The following NDST3 variants were observed in gnomAD, a reference collection of about 807,000 sequenced individuals.
NDST3 encodes N-deacetylase and N-sulfotransferase 3.
In NDST3, 58 loss-of-function variants were observed where a neutral mutation model predicts 96.1. That is an observed-to-expected ratio of 0.60 (90% CI 0.49 to 0.75). NDST3 has a LOEUF of 0.75. Among genes scored for constraint, NDST3 ranks in the 30% least tolerant of loss-of-function variants. NDST3 has a pLI of 0.00. For synonymous variants in NDST3, 333 were observed against 359.7 expected, an observed-to-expected ratio of 0.93 and a Z score of 0.84; for missense variants, 788 against 1,034.2, an observed-to-expected ratio of 0.76 and a Z score of 3.27.
intron 4 of NDST3, among the ~76,000 whole-genome samples, chr4:118,120,404 G>A (rs1402006726): frequency 6.6e-6 from 1 of 152,168 alleles, no homozygotes; most frequent in Admixed American, 6.5e-5. Context: ...GACAGGGTAA[G>A]CAGGCTCAGG....
At chr4:118,115,265 G>C (rs554727611) in intron 4 of NDST3, among the ~76,000 whole-genome samples, 1 of 152,094 alleles carries the variant, frequency 6.6e-6, no homozygotes, top group East Asian at 1.9e-4. Context: ...GCACTGAGAA[G>C]GCAGAAATAT....
chr4:118,106,469 T>C (rs1730190214), intron 3 of NDST3, among the ~76,000 whole-genome samples: 1 of 152,056 alleles, frequency 6.6e-6, no homozygotes, highest in Non-Finnish European at 1.5e-5. Context: ...CCTCAGCCTT[T>C]TGAGTAGCTG....
At chr4:118,060,382 T>C (rs1306888504) in intron 2 of NDST3, among the ~76,000 whole-genome samples, 1 of 152,160 alleles carries the variant, frequency 6.6e-6, no homozygotes, top group Non-Finnish European at 1.5e-5. Flanking sequence ...AGCTTTCTTT[T>C]GATTACTATT....
intron 6 of NDST3, among the ~76,000 whole-genome samples, chr4:118,211,858 T>C (rs552711436): frequency 1.4e-4 from 22 of 152,326 alleles, no homozygotes; most frequent in African/African-American, 4.8e-4. Flanking sequence ...AAGTGAACGA[T>C]GTGCCTGTGT....
intron 8 of NDST3, among the ~76,000 whole-genome samples, chr4:118,231,685 T>C (rs1170453441): frequency 6.6e-6 from 1 of 152,146 alleles, no homozygotes; most frequent in East Asian, 1.9e-4. Context: ...ACAGATTGTA[T>C]AACAGTGTAA....
chr4:118,233,173 T>G (rs2126000651), intron 9 of NDST3, 38 bp downstream of exon 9: 1 of 1,560,492 alleles, frequency 6.4e-7, no homozygotes, highest in African/African-American at 1.4e-5. Context: ...AAAGTATATG[T>G]ACTGTGCACA....
Position 118,054,037 on chromosome 4 carries a change from C to T in NDST3, c.127C>T (p.Leu43Phe). ...CAGTGGCTACAAACAGGAAAATGAA[C>T]TCTCTGAGACGGCTTCAGAAGTTGA... ...LYSGYKQENE[L>F]SETASEVDCG... Residue 43 changes from leucine (L) to phenylalanine (F), a missense_variant, in exon 2 of 14, where the codon CTC (leucine) becomes TTC (phenylalanine). This residue lies in a region of NDST3 where 234 missense variants were observed against 256.9 expected (regional missense o/e 0.91). Transcript: ENST00000296499. 1 of 1,612,922 alleles carries T rather than the reference C, an allele frequency of 6.2e-7. No homozygotes were observed. The highest frequency in any genetic ancestry group is 8.5e-7 in the Non-Finnish European group (1 of 1,179,256).
At position 118,084,685 on chromosome 4, in the gene NDST3, G is replaced by T. The variant is rs1371680865; in HGVS notation, c.982-20333G>T. Among the ~76,000 whole-genome samples the T allele has an allele frequency of 2.0e-5, 3 of 152,208 alleles. No homozygotes were observed. In the East Asian group the frequency reaches 5.8e-4, roughly 29 times the overall value. ...CTCATTCAGGAAAGTGAAAGAACTT[G>T]TGTTTTACTTTTAGAGATAGACTCT... On this transcript the variant is annotated intron_variant, in intron 2 of 13. Transcript: ENST00000296499.
At chr4:118,116,300 AAAATACGT>A (rs1731092301) in intron 4 of NDST3, among the ~76,000 whole-genome samples, 1 of 152,226 alleles carries the variant, frequency 6.6e-6, no homozygotes, top group Non-Finnish European at 1.5e-5. Flanking sequence ...GTGAGAGACG[AAAATACGT>A]AAATACACTA....
intron 1 of NDST3, among the ~76,000 whole-genome samples, chr4:118,040,866 T>TA (rs1426153314): frequency 9.1e-4 from 25 of 27,532 alleles, no homozygotes; most frequent in African/African-American, 1.0e-3. Flanking sequence ...TTTATATATT[T>TA]TTATATATAT....
At chr4:118,157,428 G>GTT (rs35472465) in intron 6 of NDST3, among the ~76,000 whole-genome samples, 4 of 128,058 alleles carry the variant, frequency 3.1e-5, no homozygotes, top group African/African-American at 5.5e-5. Flanking sequence ...TTTTGTTTTT[G>GTT]TTTTTTTTTT....
At chr4:118,165,132 A>G (rs1735457550) in intron 6 of NDST3, among the ~76,000 whole-genome samples, 2 of 152,270 alleles carry the variant, frequency 1.3e-5, no homozygotes, top group East Asian at 1.9e-4. Context: ...AAATGGATAT[A>G]GTAGCTGAAT....
chr4:118,111,085 C>T (rs6820108), intron 3 of NDST3, among the ~76,000 whole-genome samples: 114,575 of 152,114 alleles, frequency 0.75, 45,802 homozygotes, highest in South Asian at 0.92. Context: ...AAATACCACA[C>T]GTTCTCATTT....
intron 2 of NDST3, among the ~76,000 whole-genome samples, chr4:118,094,677 C>A (rs11098426): frequency 0.52 from 79,581 of 151,680 alleles, 25,073 homozygotes; most frequent in East Asian, 0.72. Flanking sequence ...TTTATTCTTT[C>A]ATTCTTTCAG....
At position 118,114,837 on chromosome 4, in the gene NDST3, T is replaced by C. The variant is rs201653493; in HGVS notation, c.1101T>C (p.Cys367=). The stretch of plus-strand genomic sequence containing the variant: ...AAGAGGAAGATGAAGGAGATGACTG[T>C]CTGTTGGGGTCTGTGGATGAGTTCT... ...GTEEEDEGDD[C]LLGSVDEFWW... Residue 367 remains cysteine (C), a synonymous_variant, in exon 4 of 14, where the codon TGT becomes TGC. Transcript: ENST00000296499. 3 of 1,613,898 alleles carry C rather than the reference T, an allele frequency of 1.9e-6. No homozygotes were observed. In the Admixed American group the frequency reaches 5.0e-5, roughly 27 times the overall value.
intron 6 of NDST3, among the ~76,000 whole-genome samples, chr4:118,192,924 G>A (rs1737407831): frequency 6.6e-6 from 1 of 152,110 alleles, no homozygotes; most frequent in African/African-American, 2.4e-5. Context: ...GCCATCTGGG[G>A]TGAGGAAGGG....
intron 2 of NDST3, among the ~76,000 whole-genome samples, chr4:118,072,776 T>C (rs936912553): frequency 2.6e-5 from 4 of 152,002 alleles, no homozygotes; most frequent in Admixed American, 2.6e-4. Flanking sequence ...TGAATAGGAG[T>C]AGTGACAGTG....
chr4:118,239,976 G>A (rs1168944637), intron 10 of NDST3, among the ~76,000 whole-genome samples: 2 of 151,970 alleles, frequency 1.3e-5, no homozygotes, highest in African/African-American at 4.8e-5. Flanking sequence ...AATAATCTTG[G>A]CTTTTAGATA....
chr4:118,128,220 T>C (rs953208742), intron 4 of NDST3, among the ~76,000 whole-genome samples: 1 of 152,112 alleles, frequency 6.6e-6, no homozygotes, highest in Admixed American at 6.6e-5. Context: ...TCCAGTGCTA[T>C]GTTGAATAAC....
Sources: allele counts gnomAD v4.1 joint callset (sites outside exome capture counted in the v4.1 genomes callset), GRCh38; gene constraint gnomAD v4.1.1; regional missense constraint gnomAD v4.1.1; transcripts MANE v1.5; gene names NCBI Gene and HGNC (gene_info 2026-07-23, HGNC 2026-07-21).